Variants in RHPN2 observed in about 807,000 individuals in gnomAD.
RHPN2 encodes the protein rhophilin Rho GTPase binding protein 2, also known as rhophilin-2.
In RHPN2, 40 loss-of-function variants were observed where a neutral mutation model predicts 79.0. The ratio of observed to expected loss-of-function variants is 0.51; its 90% CI spans 0.39 to 0.66. The LOEUF (loss-of-function observed/expected upper bound fraction) is 0.66, where lower values mean the gene tolerates loss of function less well. Ranked by LOEUF, RHPN2 falls within the 30% of genes least tolerant of loss-of-function variation. The pLI is 0.00. For missense variants in RHPN2, 686 were observed against 883.5 expected, an observed-to-expected ratio of 0.78 and a Z score of 2.83; for synonymous variants, 285 against 363.5, an observed-to-expected ratio of 0.78 and a Z score of 2.46.
chr19:33,043,272 C>CT, intron 2 of RHPN2, among the ~76,000 whole-genome samples: 1 of 152,104 alleles, frequency 6.6e-6, no homozygotes, highest in East Asian at 1.9e-4. Context: ...GGCATGACGC[C>CT]AGACGCAGTA....
At chr19:33,027,054 C>T (rs144740844) in intron 2 of RHPN2, 3,098 of 299,112 alleles carry the variant, frequency 0.01, 41 homozygotes, top group African/African-American at 0.035. Flanking sequence ...GTCAGGAGTT[C>T]GAGACCAGCC....
chr19:33,036,521 G>A lies in RHPN2; in HGVS notation c.185+7728C>T, dbSNP rs537300611. ...CTTGCTCTTGATGCCTCCTCTGCCTGGGCTCCCACTTTGGCGACACTTGAG... is the reference window on the plus strand; with the variant it reads ...CTTGCTCTTGATGCCTCCTCTGCCTAGGCTCCCACTTTGGCGACACTTGAG... On this transcript the variant is annotated intron_variant, in intron 2 of 14. Coordinates refer to ENST00000254260, the MANE Select transcript of RHPN2 (RefSeq NM_033103.5). Among the ~76,000 whole-genome samples, 4 of 152,298 alleles carry A rather than the reference G, an allele frequency of 2.6e-5. No individual in the cohort carries two copies. The South Asian group carries it at 8.3e-4, about 32-fold the overall frequency.
At chr19:32,988,150 G>C (rs965869718) in intron 14 of RHPN2, among the ~76,000 whole-genome samples, 1 of 151,596 alleles carries the variant, frequency 6.6e-6, no homozygotes, top group Non-Finnish European at 1.5e-5. Context: ...AGTGAGCTAC[G>C]ATTGCACCAC....
chr19:33,028,629 G>A (rs1183002935), intron 2 of RHPN2, among the ~76,000 whole-genome samples: 3 of 152,174 alleles, frequency 2.0e-5, no homozygotes, highest in Non-Finnish European at 2.9e-5. Flanking sequence ...GCTATTCTAT[G>A]TTTATGGATG....
chr19:33,062,907 G>A lies in RHPN2; in HGVS notation c.69+1877C>T, dbSNP rs1450799164. Among the ~76,000 whole-genome samples, 3 of 152,088 alleles carry A rather than the reference G, an allele frequency of 2.0e-5. No individual in the cohort carries two copies. The South Asian group carries it at 6.2e-4, about 31-fold the overall frequency. On this transcript the variant is annotated intron_variant, in intron 1 of 14. Coordinates refer to ENST00000254260, the MANE Select transcript of RHPN2 (RefSeq NM_033103.5). ...AGTCCTCCCCTGGGCTCACAGACAC[G>A]GAGGGCTCCCACAGGAAAATGTGTT... is the stretch of plus-strand genomic sequence containing the variant.
intron 4 of RHPN2, among the ~76,000 whole-genome samples, chr19:33,018,757 G>A (rs1035618628): frequency 3.3e-5 from 5 of 152,112 alleles, no homozygotes. Flanking sequence ...TTTAAAAGTA[G>A]TAGTTGGCCG....
rs1036606336 is a variant in RHPN2 at position 33,012,861 on chromosome 19, G to A, written c.391-137C>T. 7 of 646,620 alleles carry A rather than the reference G, an allele frequency of 1.1e-5. No individual in the cohort carries two copies. The African/African-American group carries it at 1.3e-4, about 12-fold the overall frequency. 40.1% of individuals were successfully genotyped at this position (646,620 alleles called of 1,614,324 possible). A position where few individuals can be genotyped will look rare whatever the true frequency, so the allele number is the denominator to read the frequency against. ...ACTTATAGTGATTTTCAAAGTGGGG[G>A]AATTTATTTTCTTAATTTATGTAGT... On this transcript the variant is annotated intron_variant, in intron 4 of 14. Coordinates refer to ENST00000254260, the MANE Select transcript of RHPN2 (RefSeq NM_033103.5).
At chr19:33,055,397 G>A (rs987752911) in intron 1 of RHPN2, among the ~76,000 whole-genome samples, 1 of 151,690 alleles carries the variant, frequency 6.6e-6, no homozygotes, top group African/African-American at 2.4e-5. Flanking sequence ...ACCATCATGG[G>A]GAATCAGGAG....
At chr19:32,997,775 G>A (rs1323125194) in intron 10 of RHPN2, among the ~76,000 whole-genome samples, 2 of 152,198 alleles carry the variant, frequency 1.3e-5, no homozygotes, top group African/African-American at 4.8e-5. Context: ...GCAGGTGTGA[G>A]CCACCACACC....
At chr19:33,063,741 C>T (rs1599840080) in intron 1 of RHPN2, among the ~76,000 whole-genome samples, 2 of 152,214 alleles carry the variant, frequency 1.3e-5, no homozygotes, top group African/African-American at 4.8e-5. Context: ...ACTGAGCTCC[C>T]TGACTGTTAT....
intron 11 of RHPN2, among the ~76,000 whole-genome samples, chr19:32,994,911 C>T (rs184681935): frequency 1.5e-4 from 23 of 152,176 alleles, no homozygotes; most frequent in Admixed American, 1.5e-3. Context: ...GAGATCACGC[C>T]ACTGCACTCC....
At chr19:33,026,369 T>C in intron 3 of RHPN2, 135 bp downstream of exon 3, 1 of 1,164,676 alleles carries the variant, frequency 8.6e-7, no homozygotes, top group Non-Finnish European at 1.3e-6. Context: ...CCAAACCTGA[T>C]GGTTCTCTCA....
At chr19:33,025,281 T>C (rs1301434075) in intron 3 of RHPN2, among the ~76,000 whole-genome samples, 3 of 141,764 alleles carry the variant, frequency 2.1e-5, no homozygotes, top group Middle Eastern at 3.4e-3. Context: ...AAGACCAACC[T>C]GGGCAACATG....
chr19:32,989,996 T>C (rs1388958970), intron 14 of RHPN2, among the ~76,000 whole-genome samples: 15 of 152,008 alleles, frequency 9.9e-5, no homozygotes, highest in Middle Eastern at 3.4e-3. Context: ...TCCCACCTGC[T>C]TGGGAGGCTG....
rs533315910 is a variant in RHPN2, at chr19:33,021,563, A to G, written c.390+8T>C. ...ACTGAGTCTGGTGCCCATGGCTTTGAGATTTACCTTGAGGACGACTGCAAA... is the reference window on the plus strand; with the variant it reads ...ACTGAGTCTGGTGCCCATGGCTTTGGGATTTACCTTGAGGACGACTGCAAA... On this transcript the variant is annotated splice_region_variant and intron_variant, in intron 4 of 14. Transcript: ENST00000254260. 242 of 1,611,356 alleles carry G rather than the reference A, an allele frequency of 1.5e-4. 2 individuals carry two copies. The South Asian group carries it at 2.6e-3, about 17-fold the overall frequency.
At chr19:33,004,460 T>C (rs565357664) in intron 7 of RHPN2, among the ~76,000 whole-genome samples, 1 of 152,324 alleles carries the variant, frequency 6.6e-6, no homozygotes, top group East Asian at 1.9e-4. Context: ...AATGTGCTTC[T>C]GGTTGGCAGG....
chr19:32,996,107 G>C lies in RHPN2; in HGVS notation c.1339C>G (p.Gln447Glu). The change falls in exon 11 of 15, where the codon CAG becomes GAG. Residue 447 changes from glutamine to glutamate, a missense_variant. Gln to Glu is a conservative substitution (Grantham distance 29). Coordinates refer to ENST00000254260, the MANE Select transcript of RHPN2 (RefSeq NM_033103.5). ...EVLQKVLCAA[Q>E]ERSRLTYAQH... ...GCGTACGTGAGCCGGGAGCGTTCCT[G>C]TGCGGCACACAGCACCTTCTGTAGC... is the stretch of plus-strand genomic sequence containing the variant. 6 of 1,614,058 alleles carry C rather than the reference G, an allele frequency of 3.7e-6. No individual in the cohort carries two copies. Among genetic ancestry groups the C allele is most frequent in the Non-Finnish European group, 4.2e-6 (5 of 1,179,904 alleles).
At chr19:33,035,445 C>T (rs1972048580) in intron 2 of RHPN2, among the ~76,000 whole-genome samples, 2 of 152,170 alleles carry the variant, frequency 1.3e-5, no homozygotes, top group African/African-American at 2.4e-5. Context: ...CAATGAGCTG[C>T]CCTTAAGATG....
chr19:33,016,019 C>T (rs1971874682), intron 4 of RHPN2, among the ~76,000 whole-genome samples: 1 of 151,892 alleles, frequency 6.6e-6, no homozygotes, highest in African/African-American at 2.4e-5. Context: ...CACTGTACTC[C>T]AGCCTGGGCA....
Sources: gnomAD v4.1 joint callset for allele counts (sites outside exome capture counted in the v4.1 genomes callset) on GRCh38, gnomAD v4.1.1 for gene constraint, MANE v1.5 for transcripts, NCBI Gene and HGNC (gene_info 2026-07-23, HGNC 2026-07-21) for gene names.